PSMD1: variants seen among roughly 807,000 people sequenced by gnomAD.
PSMD1 encodes proteasome 26S subunit, non-ATPase 1.
A neutral mutation model predicts 119.0 loss-of-function variants in PSMD1; 18 were observed. That is an observed-to-expected ratio of 0.15 (90% confidence interval 0.10 to 0.22). The LOEUF is 0.22. Among genes scored for constraint, PSMD1 ranks in the 10% least tolerant of loss-of-function variants. PSMD1 has a pLI of 1.00. For synonymous variants in PSMD1, 374 were observed against 396.6 expected (o/e 0.94, Z 0.68); for missense variants, 702 against 1,158.5 (o/e 0.61, Z 5.72).
intron 16 of PSMD1, among the ~76,000 whole-genome samples, chr2:231,136,711 G>A (rs1005085406): frequency 6.6e-6 from 1 of 151,856 alleles, no homozygotes; most frequent in Non-Finnish European, 1.5e-5. Flanking sequence ...AGACAAGCCA[G>A]GTGAATTCCC....
intron 18 of PSMD1, among the ~76,000 whole-genome samples, chr2:231,150,202 C>A (rs1696342589): frequency 6.6e-6 from 1 of 151,882 alleles, no homozygotes; most frequent in Non-Finnish European, 1.5e-5. Flanking sequence ...AAAAAATTAG[C>A]TGAGTGTGGT....
intron 21 of PSMD1, chr2:231,164,856 C>T (rs1045684406): frequency 2.6e-5 from 4 of 153,852 alleles, no homozygotes; most frequent in African/African-American, 9.7e-5. Flanking sequence ...AAATCTCAAT[C>T]TTGGAAGTAC....
At chr2:231,057,077 A>G (rs1693611480) in intron 1 of PSMD1, 36 bp downstream of exon 1, 2 of 1,487,878 alleles carry the variant, frequency 1.3e-6, no homozygotes, top group Non-Finnish European at 1.8e-6. Flanking sequence ...TGGAGGGAGG[A>G]GCCGCCGCCG....
intron 5 of PSMD1, among the ~76,000 whole-genome samples, chr2:231,067,629 C>G (rs1693939528): frequency 6.6e-6 from 1 of 152,086 alleles, no homozygotes; most frequent in Non-Finnish European, 1.5e-5. Flanking sequence ...CTCGTTCCCC[C>G]TTCCAAAAAT....
At chr2:231,128,609 GGAT>G (rs1695782955) in intron 16 of PSMD1, among the ~76,000 whole-genome samples, 1 of 152,028 alleles carries the variant, frequency 6.6e-6, no homozygotes, top group South Asian at 2.1e-4. Flanking sequence ...TCCTTCTTTG[GGAT>G]CATGTTATCA....
chr2:231,076,307 T>C (rs1694165452), intron 8 of PSMD1, among the ~76,000 whole-genome samples: 1 of 152,212 alleles, frequency 6.6e-6, no homozygotes, highest in Admixed American at 6.5e-5. Context: ...TGGTTCCTGA[T>C]GCTCAGGTGT....
intron 19 of PSMD1, among the ~76,000 whole-genome samples, chr2:231,157,660 G>A (rs572293230): frequency 3.4e-4 from 51 of 151,790 alleles, no homozygotes; most frequent in African/African-American, 1.0e-3. Context: ...TCCACCTCCC[G>A]GGTTCAAGCA....
intron 5 of PSMD1, among the ~76,000 whole-genome samples, chr2:231,068,944 A>G (rs78948922): frequency 0.016 from 2,450 of 152,322 alleles, 86 homozygotes; most frequent in African/African-American, 0.057. Flanking sequence ...TCTTCCATCC[A>G]TAAAATTGTG....
chr2:231,098,001 A>G (rs922201325), intron 16 of PSMD1, among the ~76,000 whole-genome samples: 1 of 152,216 alleles, frequency 6.6e-6, no homozygotes, highest in African/African-American at 2.4e-5. Flanking sequence ...CAGGTCTCCA[A>G]GGAATGCTAA....
At chr2:231,096,925 A>G (rs966624531) in intron 16 of PSMD1, among the ~76,000 whole-genome samples, 9 of 152,256 alleles carry the variant, frequency 5.9e-5, no homozygotes, top group African/African-American at 2.2e-4. Flanking sequence ...GGAATGAGTC[A>G]GGGTGGAGTA....
Position 231,110,165 on chromosome 2 carries a change from T to C in PSMD1, c.1883+22984T>C, listed in dbSNP as rs576278901. On this transcript the variant is annotated intron_variant, in intron 16 of 24. Coordinates refer to ENST00000308696, the MANE Select transcript of PSMD1 (RefSeq NM_002807.4). ...CGAAACCCCATCTCTACTAAAAATATGAAAATTAGCCAGGCATGGTGGCAC... is the reference window on the plus strand; with the variant it reads ...CGAAACCCCATCTCTACTAAAAATACGAAAATTAGCCAGGCATGGTGGCAC... Among the ~76,000 whole-genome samples the C allele has an allele frequency of 1.4e-4, 22 of 151,980 alleles. No homozygotes were observed. The South Asian group carries it at 3.1e-3, about 21-fold the overall frequency.
chr2:231,133,654 CTG>C (rs1695902536), intron 16 of PSMD1: 1 of 152,152 alleles, frequency 6.6e-6, no homozygotes, highest in African/African-American at 2.4e-5. Flanking sequence ...AGAATTCCCT[CTG>C]TGATAGCCCC....
intron 8 of PSMD1, 136 bp downstream of exon 8, chr2:231,075,707 G>A: frequency 1.4e-6 from 1 of 701,434 alleles, no homozygotes; most frequent in South Asian, 2.1e-5. Flanking sequence ...AGCCTCCCAA[G>A]TAAATGGCTG....
At chr2:231,101,226 A>G (rs568217073) in intron 16 of PSMD1, among the ~76,000 whole-genome samples, 1 of 152,308 alleles carries the variant, frequency 6.6e-6, no homozygotes, top group South Asian at 2.1e-4. Context: ...GTGTCTGGAG[A>G]CAGGAATAAA....
At chr2:231,063,259 C>T (rs1693804832) in intron 4 of PSMD1, among the ~76,000 whole-genome samples, 1 of 152,144 alleles carries the variant, frequency 6.6e-6, no homozygotes, top group African/African-American at 2.4e-5. Context: ...TTTGAATTTT[C>T]TGACACATAT....
At chr2:231,143,524 G>A (rs946424593) in intron 17 of PSMD1, among the ~76,000 whole-genome samples, 7 of 152,148 alleles carry the variant, frequency 4.6e-5, no homozygotes, top group Admixed American at 6.5e-5. Context: ...CACCGTGCCC[G>A]GCCAGGGACA....
chr2:231,150,510 C>G (rs2125257516), intron 18 of PSMD1, among the ~76,000 whole-genome samples: 1 of 151,936 alleles, frequency 6.6e-6, no homozygotes, highest in South Asian at 2.1e-4. Context: ...GCTCTGAAAA[C>G]TCAGAGGTTT....
intron 18 of PSMD1, among the ~76,000 whole-genome samples, chr2:231,149,269 A>T (rs369302064): frequency 4.6e-5 from 7 of 152,244 alleles, no homozygotes; most frequent in Non-Finnish European, 7.3e-5. Flanking sequence ...TTCACATTTA[A>T]CAAGGGTAAT....
At chr2:231,150,699 T>G (rs143299510) in intron 18 of PSMD1, among the ~76,000 whole-genome samples, 1 of 152,204 alleles carries the variant, frequency 6.6e-6, no homozygotes, top group Non-Finnish European at 1.5e-5. Flanking sequence ...TGTATCATGT[T>G]AGCCTTCTAA....
Sources: allele counts gnomAD v4.1 joint callset (sites outside exome capture counted in the v4.1 genomes callset), GRCh38; gene constraint gnomAD v4.1.1; transcripts MANE v1.5; gene names NCBI Gene and HGNC (gene_info 2026-07-23, HGNC 2026-07-21).